Variants in NRG3 observed in about 807,000 individuals in gnomAD.
NRG3 encodes the protein neuregulin 3.
In NRG3, 31 loss-of-function variants were observed where a neutral mutation model predicts 66.9. The ratio of observed to expected loss-of-function variants is 0.46; its 90% confidence interval spans 0.35 to 0.63. NRG3 has a LOEUF of 0.63. Ranked by LOEUF, NRG3 falls within the 20% of genes least tolerant of loss-of-function variation. NRG3 has a pLI of 0.00. For synonymous variants in NRG3, 393 were observed against 359.4 expected (o/e 1.09, Z -1.06); for missense variants, 910 against 878.9 (o/e 1.04, Z -0.45).
intron 1 of NRG3, among the ~76,000 whole-genome samples, chr10:82,260,241 C>G (rs1168271283): frequency 6.6e-5 from 10 of 152,184 alleles, no homozygotes; most frequent in Admixed American, 5.9e-4. Flanking sequence ...GGCGTTTGTA[C>G]TTGGTGCCCT....
At chr10:82,216,193 C>T (rs2075667225) in intron 1 of NRG3, among the ~76,000 whole-genome samples, 1 of 151,768 alleles carries the variant, frequency 6.6e-6, no homozygotes, top group Non-Finnish European at 1.5e-5. Flanking sequence ...GTTGGCCAGG[C>T]TGGTCTTGAA....
chr10:82,034,942 G>A (rs543524594), intron 1 of NRG3, among the ~76,000 whole-genome samples: 29 of 152,148 alleles, frequency 1.9e-4, no homozygotes, highest in Middle Eastern at 3.4e-3. Context: ...CAGAGGTGTT[G>A]CCTCATTTTG....
At chr10:82,791,149 C>A (rs1279001015) in intron 3 of NRG3, among the ~76,000 whole-genome samples, 1 of 152,014 alleles carries the variant, frequency 6.6e-6, no homozygotes, top group Non-Finnish European at 1.5e-5. Context: ...CCCCTTCCTG[C>A]CCCCACATGG....
chr10:81,994,944 A>AT (rs2060880073), intron 1 of NRG3, among the ~76,000 whole-genome samples: 3 of 151,702 alleles, frequency 2.0e-5, no homozygotes, highest in Admixed American at 2.0e-4. Flanking sequence ...GTTATTTTTC[A>AT]TTTTTTTCTA....
chr10:81,952,824 T>C (rs1015860546), intron 1 of NRG3, among the ~76,000 whole-genome samples: 1 of 151,988 alleles, frequency 6.6e-6, no homozygotes, highest in African/African-American at 2.4e-5. Context: ...TTGCCCAGGG[T>C]GGTCTAAAAC....
chr10:82,786,517 T>G (rs1182294060), intron 3 of NRG3, among the ~76,000 whole-genome samples: 1 of 152,136 alleles, frequency 6.6e-6, no homozygotes, highest in Non-Finnish European at 1.5e-5. Context: ...TGTAACTTTT[T>G]TGATTTCATA....
chr10:82,272,129 G>T (rs1187640875), intron 1 of NRG3, among the ~76,000 whole-genome samples: 1 of 152,048 alleles, frequency 6.6e-6, no homozygotes, highest in Admixed American at 6.6e-5. Context: ...GAGTAGAGAT[G>T]ACCATGGTAG....
At position 82,698,407 on chromosome 10, in the gene NRG3, G is replaced by T. The variant is rs571189597; in HGVS notation, c.954-40170G>T. The stretch of plus-strand genomic sequence containing the variant: ...CCTTGGAATCTTAACAGGGGAAAAA[G>T]TCTACTCATTAACATATGCTTTAAA... On this transcript the variant is annotated intron_variant, in intron 2 of 8. Coordinates refer to ENST00000372141, the MANE Select transcript of NRG3 (RefSeq NM_001010848.4). Among the ~76,000 whole-genome samples, 9 of 152,196 alleles carry T rather than the reference G, an allele frequency of 5.9e-5. No homozygotes were observed. The South Asian group carries it at 1.4e-3, about 25-fold the overall frequency.
intron 1 of NRG3, among the ~76,000 whole-genome samples, chr10:82,074,868 A>G (rs1298652821): frequency 1.3e-5 from 2 of 152,164 alleles, no homozygotes; most frequent in African/African-American, 2.4e-5. Flanking sequence ...ATCATTTAAA[A>G]TGTTCATAAA....
intron 1 of NRG3, among the ~76,000 whole-genome samples, chr10:82,151,081 G>T (rs2132784334): frequency 6.6e-6 from 1 of 152,288 alleles, no homozygotes; most frequent in East Asian, 1.9e-4. Context: ...AGCAGGAAGT[G>T]CTCAGAAAGC....
chr10:82,213,921 ACCCTGGTT>A (rs757605523), intron 1 of NRG3, among the ~76,000 whole-genome samples: 31 of 152,196 alleles, frequency 2.0e-4, no homozygotes, highest in South Asian at 8.3e-4. Flanking sequence ...ATTGGTAAGA[ACCCTGGTT>A]CTGTCTGTCT....
intron 1 of NRG3, among the ~76,000 whole-genome samples, chr10:81,896,321 G>A (rs1190552375): frequency 1.3e-5 from 2 of 152,044 alleles, no homozygotes; most frequent in East Asian, 1.9e-4. Context: ...GAGAAGAGAT[G>A]TACCTCTAAA....
At chr10:82,382,536 T>C (rs959741711) in intron 2 of NRG3, among the ~76,000 whole-genome samples, 4 of 152,046 alleles carry the variant, frequency 2.6e-5, no homozygotes, top group African/African-American at 9.7e-5. Flanking sequence ...TTTTGAATTG[T>C]CTGCCTTTTG....
chr10:82,890,921 A>T (rs958405421), intron 4 of NRG3, among the ~76,000 whole-genome samples: 2 of 152,048 alleles, frequency 1.3e-5, no homozygotes, highest in African/African-American at 4.8e-5. Context: ...TGACATTTGG[A>T]TAATCTGTTT....
chr10:82,458,453 T>C (rs1282315290), intron 2 of NRG3, among the ~76,000 whole-genome samples: 2 of 152,112 alleles, frequency 1.3e-5, no homozygotes, highest in East Asian at 3.9e-4. Flanking sequence ...CTATAGGGAA[T>C]TCAGTCTATT....
At position 82,450,262 on chromosome 10, in the gene NRG3, G is replaced by A. The variant is rs191043358; in HGVS notation, c.953+91394G>A. Among the ~76,000 whole-genome samples the A allele has an allele frequency of 3.0e-3, 460 of 152,142 alleles. 4 individuals carry two copies. The highest frequency in any genetic ancestry group is 6.0e-3 in the Admixed American group (92 of 15,266). On this transcript the variant is annotated intron_variant, in intron 2 of 8. Transcript: ENST00000372141. ...GAATGCTGCTTTATATCTTCCAGAC[G>A]GCTTCCCTGAGTTATTGTGGGTGCC...
chr10:82,359,069 A>C (rs2135587788), intron 2 of NRG3, among the ~76,000 whole-genome samples: 1 of 152,372 alleles, frequency 6.6e-6, no homozygotes, highest in Non-Finnish European at 1.5e-5. Context: ...GAAACAAAGT[A>C]GTTACGGTTT....
At chr10:82,262,145 T>C (rs34009428) in intron 1 of NRG3, among the ~76,000 whole-genome samples, 66,326 of 151,996 alleles carry the variant, frequency 0.44, 16,678 homozygotes, top group African/African-American at 0.7. Flanking sequence ...TACCCAGCCT[T>C]AGGTATTTCT....
chr10:81,960,705 G>T (rs1048541334), intron 1 of NRG3, among the ~76,000 whole-genome samples: 6 of 150,972 alleles, frequency 4.0e-5, no homozygotes, highest in Non-Finnish European at 7.4e-5. Flanking sequence ...TGCAGCCTGG[G>T]CGTTCCTTTG....
Sources: gnomAD v4.1 joint callset for allele counts (sites outside exome capture counted in the v4.1 genomes callset) on GRCh38, gnomAD v4.1.1 for gene constraint, MANE v1.5 for transcripts, NCBI Gene and HGNC (gene_info 2026-07-23, HGNC 2026-07-21) for gene names.